The following OCIAD2 variants were observed in gnomAD, a reference collection of about 807,000 sequenced individuals.
OCIAD2 encodes the protein OCIA domain-containing protein 2.
In OCIAD2, 29 loss-of-function variants were observed where a neutral mutation model predicts 22.9. The observed-to-expected ratio is 1.27, with a 90% CI of 0.94 to 1.73. The LOEUF is 1.73. Among genes scored for constraint, OCIAD2 ranks in the 40% most tolerant of loss-of-function variants. OCIAD2 has a pLI of 0.00. For missense variants in OCIAD2, 189 were observed against 180.3 expected (o/e 1.05, Z -0.28); for synonymous variants, 67 against 60.2 (o/e 1.11, Z -0.52).
chr4:48,902,952 CA>C (rs1032894762), intron 2 of OCIAD2, among the ~76,000 whole-genome samples: 1 of 149,448 alleles, frequency 6.7e-6, no homozygotes, highest in African/African-American at 2.5e-5. Context: ...GACTCCATCT[CA>C]AAAAAAAAGG....
intron 6 of OCIAD2, among the ~76,000 whole-genome samples, chr4:48,887,728 T>G (rs1487925330): frequency 2.0e-5 from 3 of 152,222 alleles, no homozygotes; most frequent in African/African-American, 7.2e-5. Context: ...CCATGCTGTT[T>G]TGGTTACTGT....
At chr4:48,891,569 A>G (rs1161809056) in intron 6 of OCIAD2, among the ~76,000 whole-genome samples, 3 of 152,238 alleles carry the variant, frequency 2.0e-5, no homozygotes, top group African/African-American at 7.2e-5. Context: ...TCTTGTGTTC[A>G]TAATTATTCT....
intron 2 of OCIAD2, among the ~76,000 whole-genome samples, chr4:48,900,620 C>T (rs144444259): frequency 1.4e-5 from 2 of 143,754 alleles, no homozygotes; most frequent in African/African-American, 5.1e-5. Flanking sequence ...GTTGTGGGTA[C>T]ATAGTAGGTT....
chr4:48,903,040 A>T (rs573176143), intron 2 of OCIAD2, among the ~76,000 whole-genome samples: 1 of 152,216 alleles, frequency 6.6e-6, no homozygotes, highest in African/African-American at 2.4e-5. Context: ...CAGGTGTCCA[A>T]ATAATTCTCC....
intron 3 of OCIAD2, among the ~76,000 whole-genome samples, chr4:48,898,810 C>G (rs1216166639): frequency 1.3e-5 from 2 of 152,142 alleles, no homozygotes; most frequent in African/African-American, 4.8e-5. Flanking sequence ...CTAGTTCTGT[C>G]CATCAATATG....
At chr4:48,897,931 T>C in intron 3 of OCIAD2, 74 bp from the exon 4 acceptor site, 1 of 992,856 alleles carries the variant, frequency 1.0e-6, no homozygotes, top group South Asian at 1.4e-5. Flanking sequence ...GGGAAAATTA[T>C]TCTGAGCTTT....
chr4:48,905,533 G>A (rs1251043583), intron 1 of OCIAD2, among the ~76,000 whole-genome samples: 1 of 152,144 alleles, frequency 6.6e-6, no homozygotes, highest in African/African-American at 2.4e-5. Context: ...ACATGGCTTA[G>A]AAAAGTGGAC....
At chr4:48,896,855 G>T (rs1190511080) in intron 4 of OCIAD2, among the ~76,000 whole-genome samples, 1 of 152,186 alleles carries the variant, frequency 6.6e-6, no homozygotes, top group Non-Finnish European at 1.5e-5. Context: ...CTTGCCACCT[G>T]TGGACTAAGG....
At position 48,894,262 on chromosome 4, in the gene OCIAD2, G is replaced by A. The variant is rs542197953; in HGVS notation, c.218-209C>T. Among the ~76,000 whole-genome samples, 31 of 152,050 alleles carry A rather than the reference G, an allele frequency of 2.0e-4. 1 individual carries two copies. The South Asian group carries it at 2.1e-3, about 10-fold the overall frequency. On this transcript the variant is annotated intron_variant, in intron 4 of 6. Transcript: ENST00000508632. ...AATCCAGCACTTTGGAGGCCGAGGC[G>A]GGCAGATCACCTGAGGTCAGGAGTT...
chr4:48,893,108 A>G (rs879604786), intron 5 of OCIAD2: 32 of 343,896 alleles, frequency 9.3e-5, no homozygotes, highest in Middle Eastern at 1.6e-3. Context: ...GCCAGGACAG[A>G]GCAAGCCACA....
chr4:48,901,924 T>A (rs1781426824), intron 2 of OCIAD2, among the ~76,000 whole-genome samples: 1 of 151,930 alleles, frequency 6.6e-6, no homozygotes, highest in African/African-American at 2.4e-5. Context: ...AAAAACCATT[T>A]TTTTAATAGA....
chr4:48,905,529 C>T (rs752317111), intron 1 of OCIAD2, among the ~76,000 whole-genome samples: 5 of 151,996 alleles, frequency 3.3e-5, no homozygotes, highest in Non-Finnish European at 7.4e-5. Flanking sequence ...CATCACATGG[C>T]TTAGAAAAGT....
At chr4:48,899,990 C>T in intron 2 of OCIAD2, 65 bp from the exon 3 acceptor site, 2 of 1,144,634 alleles carry the variant, frequency 1.7e-6, no homozygotes, top group Non-Finnish European at 2.6e-6. Flanking sequence ...TTGTTTTCTA[C>T]AGAAGAGAAC....
chr4:48,890,248 A>G (rs1781129504), intron 6 of OCIAD2, among the ~76,000 whole-genome samples: 1 of 152,080 alleles, frequency 6.6e-6, no homozygotes, highest in African/African-American at 2.4e-5. Flanking sequence ...CCAGAACTTA[A>G]AGTTAAAAAA....
At chr4:48,888,967 T>C (rs1326762019) in intron 6 of OCIAD2, among the ~76,000 whole-genome samples, 1 of 152,222 alleles carries the variant, frequency 6.6e-6, no homozygotes, top group Non-Finnish European at 1.5e-5. Context: ...CGTCTGGTCC[T>C]GGACTTTTTT....
At chr4:48,886,586 C>T (rs553972032) in intron 6 of OCIAD2, among the ~76,000 whole-genome samples, 8 of 150,104 alleles carry the variant, frequency 5.3e-5, no homozygotes, top group South Asian at 2.1e-4. Context: ...TGAGAACATG[C>T]GGTGTTTGGT....
chr4:48,890,512 T>G (rs1781139645), intron 6 of OCIAD2, among the ~76,000 whole-genome samples: 1 of 152,154 alleles, frequency 6.6e-6, no homozygotes, highest in Non-Finnish European at 1.5e-5. Context: ...TGTGCACATA[T>G]ATATACACAT....
intron 6 of OCIAD2, among the ~76,000 whole-genome samples, chr4:48,891,198 A>G (rs1236573132): frequency 6.6e-6 from 1 of 152,098 alleles, no homozygotes; most frequent in Non-Finnish European, 1.5e-5. Context: ...AGCTCCTACT[A>G]CTTGAATCTA....
At chr4:48,889,904 C>A (rs2109667977) in intron 6 of OCIAD2, among the ~76,000 whole-genome samples, 1 of 152,278 alleles carries the variant, frequency 6.6e-6, no homozygotes, top group East Asian at 1.9e-4. Context: ...GGCACATATA[C>A]ACCTTGGAAT....
Sources: gnomAD v4.1 joint callset for allele counts (sites outside exome capture counted in the v4.1 genomes callset) on GRCh38, gnomAD v4.1.1 for gene constraint, MANE v1.5 for transcripts, NCBI Gene and HGNC (gene_info 2026-07-23, HGNC 2026-07-21) for gene names.